The following CEP112 variants were observed in gnomAD, a reference collection of about 807,000 sequenced individuals.
CEP112 encodes the protein centrosomal protein of 112 kDa.
Under a neutral mutation model 153.0 loss-of-function variants are expected in CEP112, and 127 were observed. That is an observed-to-expected ratio of 0.83 (90% CI 0.72 to 0.96). The LOEUF (loss-of-function observed/expected upper bound fraction) is 0.96. CEP112 is among the 40% of genes least tolerant of loss of function. The probability of loss-of-function intolerance (pLI) is 0.00; values close to 1 mark genes in which losing one functional copy is unlikely to be tolerated. For synonymous variants in CEP112, 358 were observed against 374.4 expected (o/e 0.96, Z 0.51); for missense variants, 1,089 against 1,101.2 (o/e 0.99, Z 0.16).
At chr17:65,650,442 CA>C (rs1331266538) in intron 24 of CEP112, among the ~76,000 whole-genome samples, 2 of 152,186 alleles carry the variant, frequency 1.3e-5, no homozygotes, top group African/African-American at 4.8e-5. Context: ...ACTTTCCTGG[CA>C]AGGAGCACTT....
intron 23 of CEP112, among the ~76,000 whole-genome samples, chr17:65,701,898 G>GT (rs869242758): frequency 0.035 from 4,118 of 116,046 alleles, 99 homozygotes; most frequent in African/African-American, 0.057. Flanking sequence ...TTTTTTTTTT[G>GT]TTTTTTTTTT....
intron 20 of CEP112, among the ~76,000 whole-genome samples, chr17:65,877,124 G>C (rs920297129): frequency 4.6e-5 from 7 of 152,106 alleles, no homozygotes; most frequent in African/African-American, 1.2e-4. Context: ...GCCTGATTGC[G>C]GCCCAGCCCT....
chr17:65,994,075 T>C (rs150476910), intron 17 of CEP112, among the ~76,000 whole-genome samples: 7 of 150,828 alleles, frequency 4.6e-5, no homozygotes, highest in East Asian at 2.0e-4. Flanking sequence ...CAATATCAGA[T>C]ACATATGAGC....
intron 4 of CEP112, among the ~76,000 whole-genome samples, chr17:66,169,302 G>C (rs1003005942): frequency 2.7e-5 from 1 of 37,024 alleles, no homozygotes; most frequent in Non-Finnish European, 5.1e-5. Flanking sequence ...TTTTTTTTTT[G>C]AGACAGAGTC....
chr17:65,809,605 A>T (rs983398886), intron 21 of CEP112, among the ~76,000 whole-genome samples: 1 of 152,222 alleles, frequency 6.6e-6, no homozygotes, highest in Non-Finnish European at 1.5e-5. Context: ...GAAATGTGTC[A>T]AGTATGACTC....
chr17:65,887,864 G>A (rs908216569), intron 20 of CEP112, among the ~76,000 whole-genome samples: 1 of 152,136 alleles, frequency 6.6e-6, no homozygotes, highest in African/African-American at 2.4e-5. Context: ...TCATGGAGGG[G>A]GTGTTTCCTC....
intron 8 of CEP112, among the ~76,000 whole-genome samples, chr17:66,079,355 A>G (rs1388882128): frequency 6.6e-6 from 1 of 152,190 alleles, no homozygotes; most frequent in Non-Finnish European, 1.5e-5. Flanking sequence ...ATTAGAATAA[A>G]GTTTATCAAA....
chr17:65,735,635 C>T (rs2050758482), intron 23 of CEP112, among the ~76,000 whole-genome samples: 1 of 152,082 alleles, frequency 6.6e-6, no homozygotes, highest in Non-Finnish European at 1.5e-5. Flanking sequence ...TATTTTATTG[C>T]TTTTTATTTT....
intron 17 of CEP112, among the ~76,000 whole-genome samples, chr17:66,000,585 G>C (rs1434103659): frequency 6.6e-6 from 1 of 151,950 alleles, no homozygotes. Flanking sequence ...GATGGAACTA[G>C]TCTAGCGTCC....
At chr17:65,995,114 A>G (rs2063736075) in intron 17 of CEP112, among the ~76,000 whole-genome samples, 1 of 136,278 alleles carries the variant, frequency 7.3e-6, no homozygotes, top group African/African-American at 2.8e-5. Context: ...TCAGAGTCCC[A>G]TGTTGTTAGG....
chr17:66,188,503 T>C (rs950031945), intron 1 of CEP112, among the ~76,000 whole-genome samples: 1 of 146,190 alleles, frequency 6.8e-6, no homozygotes, highest in Non-Finnish European at 1.5e-5. Context: ...TGAGTGAAGC[T>C]GGCCCCCCCT....
chr17:65,990,157 T>G (rs2063545623), intron 17 of CEP112, among the ~76,000 whole-genome samples: 1 of 152,176 alleles, frequency 6.6e-6, no homozygotes, highest in South Asian at 2.1e-4. Flanking sequence ...AATATTTAAG[T>G]CCTTACTGAT....
At chr17:65,732,253 G>C (rs2050551897) in intron 23 of CEP112, among the ~76,000 whole-genome samples, 1 of 152,218 alleles carries the variant, frequency 6.6e-6, no homozygotes, top group Non-Finnish European at 1.5e-5. Flanking sequence ...GGGTGACCAG[G>C]TGCATGGTTA....
Position 65,879,610 on chromosome 17 carries a change from A to T in CEP112, c.2163+22542T>A, listed in dbSNP as rs565332189. 3.9e-5 allele frequency among the ~76,000 whole-genome samples: 6 copies of T among 152,306 alleles called. No individual in the cohort carries two copies. The East Asian group carries it at 1.2e-3, about 29-fold the overall frequency. On this transcript the variant is annotated intron_variant, in intron 20 of 26. Transcript: ENST00000535342. ...AGACAAATAACTATGAAAGATAAAC[A>T]GAAAAACCAACCCTGAAGGAAAGAG...
At chr17:65,766,126 A>G (rs1347435772) in intron 21 of CEP112, among the ~76,000 whole-genome samples, 1 of 143,988 alleles carries the variant, frequency 6.9e-6, no homozygotes, top group African/African-American at 2.6e-5. Context: ...TATGATCTGA[A>G]TGAGAAATTC....
At chr17:65,818,453 C>A (rs2145975049) in intron 21 of CEP112, among the ~76,000 whole-genome samples, 1 of 151,948 alleles carries the variant, frequency 6.6e-6, no homozygotes, top group East Asian at 1.9e-4. Context: ...CCCTTCCTTA[C>A]TACTCCCCCA....
intron 18 of CEP112, among the ~76,000 whole-genome samples, chr17:65,937,249 A>G (rs1251338801): frequency 2.8e-5 from 3 of 105,452 alleles, no homozygotes; most frequent in South Asian, 5.5e-4. Flanking sequence ...CCGTCTGGGA[A>G]GTGAGGAGCG....
chr17:65,895,836 A>G (rs765547878), intron 20 of CEP112, among the ~76,000 whole-genome samples: 1 of 152,068 alleles, frequency 6.6e-6, no homozygotes, highest in Non-Finnish European at 1.5e-5. Flanking sequence ...CACACCTGAT[A>G]TAACTAAAGG....
chr17:65,858,058 C>G (rs2058183328), intron 20 of CEP112, among the ~76,000 whole-genome samples: 1 of 152,156 alleles, frequency 6.6e-6, no homozygotes, highest in Admixed American at 6.5e-5. Flanking sequence ...CTTGCATTCT[C>G]TACAACTTGG....
Sources: allele counts gnomAD v4.1 joint callset (sites outside exome capture counted in the v4.1 genomes callset), GRCh38; gene constraint gnomAD v4.1.1; transcripts MANE v1.5; gene names NCBI Gene and HGNC (gene_info 2026-07-23, HGNC 2026-07-21).